Variants in ZNF175 observed in about 807,000 individuals in gnomAD.
ZNF175 encodes zinc finger protein 175.
A neutral mutation model predicts 14.0 loss-of-function variants in ZNF175; 8 were observed. The observed-to-expected ratio is 0.57, with a 90% CI of 0.34 to 1.03. The LOEUF (loss-of-function observed/expected upper bound fraction) is 1.03, where lower values mean the gene tolerates loss of function less well. Ranked by LOEUF, ZNF175 falls within the 50% of genes least tolerant of loss-of-function variation. ZNF175 has a pLI of 0.03. For synonymous variants in ZNF175, 255 were observed against 296.8 expected, an observed-to-expected ratio of 0.86 and a Z score of 1.45; for missense variants, 764 against 849.5, an observed-to-expected ratio of 0.90 and a Z score of 1.25.
intron 4 of ZNF175, among the ~76,000 whole-genome samples, chr19:51,586,376 T>A (rs1356767820): frequency 6.6e-6 from 1 of 152,228 alleles, no homozygotes; most frequent in Admixed American, 6.5e-5. Context: ...CATCGCTACC[T>A]CCTGAGGTTA....
Position 51,577,716 on chromosome 19 carries a change from T to G in ZNF175, c.73-3675T>G, listed in dbSNP as rs181456959. Among the ~76,000 whole-genome samples the G allele has an allele frequency of 4.4e-3, 639 of 145,484 alleles. 3 individuals are homozygous for G. The highest frequency in any genetic ancestry group is 6.3e-3 in the Non-Finnish European group (424 of 67,232). ...TCTCACTCTGTCGCCCAGGCTGGAG[T>G]GCAGTGGCACGATCTTGGCTCACTG... On this transcript the variant is annotated intron_variant, in intron 2 of 4. Coordinates refer to ENST00000262259, the MANE Select transcript of ZNF175 (RefSeq NM_007147.4).
chr19:51,586,200 AC>A (rs1347916777), intron 4 of ZNF175, among the ~76,000 whole-genome samples: 5 of 152,248 alleles, frequency 3.3e-5, no homozygotes, highest in Admixed American at 1.3e-4. Context: ...GCCCTGCAAC[AC>A]TTGTCTGTTT....
intron 2 of ZNF175, chr19:51,573,752 C>T (rs142812625): frequency 7.8e-6 from 3 of 383,332 alleles, no homozygotes; most frequent in African/African-American, 6.3e-5. Context: ...AGTGGTCCCC[C>T]CCACCAAATT....
At chr19:51,583,276 T>C (rs148404088) in intron 4 of ZNF175, among the ~76,000 whole-genome samples, 129 of 152,332 alleles carry the variant, frequency 8.5e-4, no homozygotes, top group African/African-American at 2.9e-3. Context: ...TTAAACTGTG[T>C]TCTGCTACCT....
chr19:51,578,785 A>G (rs1981896414), intron 2 of ZNF175, among the ~76,000 whole-genome samples: 1 of 151,776 alleles, frequency 6.6e-6, no homozygotes, highest in Non-Finnish European at 1.5e-5. Context: ...AAAACAAAAG[A>G]CCTGAGAGGT....
At chr19:51,576,749 T>C (rs1981801862) in intron 2 of ZNF175, among the ~76,000 whole-genome samples, 1 of 152,150 alleles carries the variant, frequency 6.6e-6, no homozygotes, top group African/African-American at 2.4e-5. Flanking sequence ...GGGAATTCTT[T>C]TTTTCTCTGT....
At position 51,571,420 on chromosome 19, in the gene ZNF175, G is replaced by C. The variant is rs1474856916; in HGVS notation, c.-236G>C. 5.4e-5 allele frequency: 8 copies of C among 148,914 alleles called. No individual in the cohort carries two copies. The Admixed American group carries it at 5.4e-4, about 10-fold the overall frequency. 9.2% of individuals were successfully genotyped at this position (148,914 alleles called of 1,614,324 possible). On this transcript the variant is annotated 5_prime_UTR_variant, in exon 1 of 5. Coordinates refer to ENST00000262259, the MANE Select transcript of ZNF175 (RefSeq NM_007147.4). Reference sequence around the variant, plus strand: ...GCTTTGGGGGAGTGATGAGGGGCTTGTTGGGGGTGGGGGTGCGTGATAAAG... The same window carrying C: ...GCTTTGGGGGAGTGATGAGGGGCTTCTTGGGGGTGGGGGTGCGTGATAAAG...
chr19:51,579,874 T>G (rs184230970), intron 2 of ZNF175, among the ~76,000 whole-genome samples: 2 of 152,246 alleles, frequency 1.3e-5, no homozygotes, highest in African/African-American at 4.8e-5. Flanking sequence ...CCCTGAGATG[T>G]GCTTGAAGTA....
chr19:51,591,801 CT>C lies in ZNF175; in HGVS notation c.*3335del, dbSNP rs1305246234. 1 of 148,726 alleles carries C rather than the reference CT, an allele frequency of 6.7e-6. No individual in the cohort carries two copies. Among genetic ancestry groups the C allele is most frequent in the Non-Finnish European group, 1.5e-5 (1 of 67,682 alleles). The allele number at this position is 148,726 out of a possible 1,614,324, so 9.2% of individuals were successfully genotyped here. On this transcript the variant is annotated 3_prime_UTR_variant, in exon 5 of 5. Coordinates refer to ENST00000262259, the MANE Select transcript of ZNF175 (RefSeq NM_007147.4). ...TTTTCTTGTGAGATGGAGTCTCGCT[CT>C]GTCGCCCAGGCTCTGGAGTGCAGTG...
chr19:51,581,840 C>T lies in ZNF175; in HGVS notation c.253C>T (p.Pro85Ser). The change falls in exon 4 of 5, where the codon CCG becomes TCG. Residue 85 changes from proline to serine, a missense_variant. By Grantham distance (74) the Pro-to-Ser change is moderately conservative. Transcript: ENST00000262259. ...CTTCAGAATGCTAAAAGAAAAGGAG[C>T]CGCGTGTGGAGGAGGCTGAAGTCTC... ...VIFRMLKEKE[P>S]RVEEAEVSHQ... 1 of 1,613,850 alleles carries T rather than the reference C, an allele frequency of 6.2e-7. No individual in the cohort carries two copies.
chr19:51,587,314 A>T lies in ZNF175; in HGVS notation c.983A>T (p.Asp328Val). 1 of 1,614,208 alleles carries T rather than the reference A, an allele frequency of 6.2e-7. No homozygotes were observed. Residue 328 changes from aspartate (D) to valine (V), a missense_variant, in exon 5 of 5, where the codon GAT becomes GTT. Physicochemically the swap from Asp to Val is radical, Grantham distance 152. Coordinates refer to ENST00000262259, the MANE Select transcript of ZNF175 (RefSeq NM_007147.4). ...PQLKLSVYLT[D>V]HTGDIPCICK... ...CTAAAACTCAGTGTATATCTGACAG[A>T]TCATACAGGTGATATACCCTGTATA... is the stretch of plus-strand genomic sequence containing the variant.
intron 1 of ZNF175, among the ~76,000 whole-genome samples, chr19:51,572,220 A>G (rs1981614330): frequency 2.0e-5 from 3 of 152,242 alleles, no homozygotes; most frequent in South Asian, 4.1e-4. Context: ...TAAAGATTTC[A>G]GAAGCCTGTG....
Position 51,575,988 on chromosome 19 carries a change from C to T in ZNF175, c.72+2587C>T, listed in dbSNP as rs61350519. Among the ~76,000 whole-genome samples, 402 of 152,248 alleles carry T rather than the reference C, an allele frequency of 2.6e-3. 16 individuals are homozygous for T. In the East Asian group the frequency reaches 0.046, roughly 17 times the overall value. ...GATAACTCTCTGCCTGCATAACTTACGGTTTTTCCCTGGAGCACACAATTT... is the reference window on the plus strand; with the variant it reads ...GATAACTCTCTGCCTGCATAACTTATGGTTTTTCCCTGGAGCACACAATTT... On this transcript the variant is annotated intron_variant, in intron 2 of 4. Transcript: ENST00000262259.
chr19:51,576,275 G>A (rs1188006503), intron 2 of ZNF175, among the ~76,000 whole-genome samples: 1 of 151,250 alleles, frequency 6.6e-6, no homozygotes, highest in Non-Finnish European at 1.5e-5. Context: ...TCACTCTCCT[G>A]AGTAGCTGGG....
chr19:51,581,690 A>C, intron 3 of ZNF175, 97 bp from the exon 4 acceptor site: 1 of 1,536,760 alleles, frequency 6.5e-7, no homozygotes. Flanking sequence ...CCAGTGGAAA[A>C]TGTTGACTTT....
chr19:51,573,809 A>C, intron 2 of ZNF175: 1 of 291,194 alleles, frequency 3.4e-6, no homozygotes, highest in African/African-American at 2.2e-5. Context: ...CTGTTCTCAT[A>C]AGGTGCGGCA....
rs1391984378 is a variant in ZNF175, at chr19:51,586,676, T to C, written c.345T>C (p.Ala115=). 1.2e-6 allele frequency: 2 copies of C among 1,604,552 alleles called. No homozygotes were observed. Among genetic ancestry groups the C allele is most frequent in the Non-Finnish European group, 1.7e-6 (2 of 1,176,472 alleles). ...CACAAAAGGAGATTTCTAAGAAAGCTTCATTTCAAAAGGATATGGTAGGTG... is the reference window on the plus strand; with the variant it reads ...CACAAAAGGAGATTTCTAAGAAAGCCTCATTTCAAAAGGATATGGTAGGTG... The part of the protein sequence containing the change: ...EIPQKEISKK[A]SFQKDMVGEF... Residue 115 remains alanine, a synonymous_variant, in exon 5 of 5, where the codon GCT becomes GCC. Coordinates refer to ENST00000262259, the MANE Select transcript of ZNF175 (RefSeq NM_007147.4).
chr19:51,580,392 A>AC lies in ZNF175; in HGVS notation c.73-996dup, dbSNP rs149297599. On this transcript the variant is annotated intron_variant, in intron 2 of 4. Coordinates refer to ENST00000262259, the MANE Select transcript of ZNF175 (RefSeq NM_007147.4). Reference sequence around the variant, plus strand: ...GTCAGCCTACTCCTCCATTATAAAGACCCATCAGTCTTTCATATGGTTTTA... The same window carrying AC: ...GTCAGCCTACTCCTCCATTATAAAGACCCCATCAGTCTTTCATATGGTTTTA... Among the ~76,000 whole-genome samples, 599 of 152,282 alleles carry AC rather than the reference A, an allele frequency of 3.9e-3. 28 individuals carry two copies. The East Asian group carries it at 0.079, about 20-fold the overall frequency.
rs61117584 is a variant in ZNF175 at position 51,576,080 on chromosome 19, C to T, written c.72+2679C>T. The stretch of plus-strand genomic sequence containing the variant: ...ACCATTTTCTCCAAGTGTGTACACA[C>T]TGTCTTCATAAATTGAATTTGTTAC... On this transcript the variant is annotated intron_variant, in intron 2 of 4. Transcript: ENST00000262259. Among the ~76,000 whole-genome samples, 396 of 151,634 alleles carry T rather than the reference C, an allele frequency of 2.6e-3. 15 individuals are homozygous for T. In the East Asian group the frequency reaches 0.045, roughly 17 times the overall value.
Sources: allele counts gnomAD v4.1 joint callset (sites outside exome capture counted in the v4.1 genomes callset), GRCh38; gene constraint gnomAD v4.1.1; transcripts MANE v1.5; gene names NCBI Gene and HGNC (gene_info 2026-07-23, HGNC 2026-07-21).